PCCA: variants seen among roughly 807,000 people sequenced by gnomAD.
PCCA encodes the protein propionyl-CoA carboxylase alpha chain, mitochondrial.
A neutral mutation model predicts 101.3 loss-of-function variants in PCCA; 74 were observed. The observed-to-expected ratio is 0.73, with a 90% CI of 0.61 to 0.89. The LOEUF (loss-of-function observed/expected upper bound fraction) is 0.89, where lower values mean the gene tolerates loss of function less well. Ranked by LOEUF, PCCA falls within the 40% of genes least tolerant of loss-of-function variation. The pLI, the probability that PCCA is intolerant of heterozygous loss-of-function variation, is 0.00. For missense variants in PCCA, 891 were observed against 907.0 expected (o/e 0.98, Z 0.23); for synonymous variants, 294 against 313.6 (o/e 0.94, Z 0.66).
At chr13:100,480,657 C>T (rs1306697866) in intron 21 of PCCA, among the ~76,000 whole-genome samples, 3 of 152,176 alleles carry the variant, frequency 2.0e-5, no homozygotes, top group Admixed American at 1.3e-4. Flanking sequence ...AACCAAAAAA[C>T]GCCCTCAGCT....
chr13:100,523,613 C>T (rs1271439719), intron 22 of PCCA, among the ~76,000 whole-genome samples: 2 of 152,196 alleles, frequency 1.3e-5, no homozygotes, highest in Non-Finnish European at 2.9e-5. Flanking sequence ...TTGTTTGGGG[C>T]AAGGCCGACT....
At chr13:100,273,531 C>G (rs2063450064) in intron 12 of PCCA, among the ~76,000 whole-genome samples, 185 bp downstream of exon 12, 1 of 152,178 alleles carries the variant, frequency 6.6e-6, no homozygotes, top group African/African-American at 2.4e-5. Flanking sequence ...AGTTCAATGT[C>G]TAGACCTCTG....
At chr13:100,492,421 G>A (rs946404495) in intron 21 of PCCA, among the ~76,000 whole-genome samples, 7 of 151,946 alleles carry the variant, frequency 4.6e-5, no homozygotes, top group African/African-American at 7.3e-5. Context: ...GGCGTGAGCC[G>A]CCGAGCCCGG....
intron 1 of PCCA, among the ~76,000 whole-genome samples, chr13:100,101,155 G>A (rs1227438723): frequency 2.0e-5 from 3 of 152,134 alleles, no homozygotes; most frequent in Non-Finnish European, 4.4e-5. Context: ...GCTTTTTACA[G>A]CTTTAGGCCA....
At chr13:100,092,567 T>A (rs868236775) in intron 1 of PCCA, among the ~76,000 whole-genome samples, 15 of 152,140 alleles carry the variant, frequency 9.9e-5, no homozygotes, top group East Asian at 3.9e-4. Flanking sequence ...TTTTAATTTT[T>A]ATTTTTTGTA....
At chr13:100,177,896 TGAA>T (rs1456514524) in intron 6 of PCCA, among the ~76,000 whole-genome samples, 1 of 152,146 alleles carries the variant, frequency 6.6e-6, no homozygotes, top group Non-Finnish European at 1.5e-5. Context: ...AATTCAACTG[TGAA>T]GGAGATCTTT....
intron 6 of PCCA, among the ~76,000 whole-genome samples, chr13:100,167,874 C>T (rs1044230579): frequency 1.3e-5 from 2 of 152,178 alleles, no homozygotes; most frequent in Non-Finnish European, 2.9e-5. Context: ...TCATGCCATT[C>T]TCCTGCCTCA....
In PCCA at chr13:100,089,162, C is replaced by T. The variant is rs200714802; in HGVS notation, c.42C>T (p.Ala14=). The part of the protein sequence containing the change: ...FWVGTAPLVA[A]GRRGRWPPQQ... ...TCGGGACAGCACCGCTGGTCGCTGC[C>T]GGACGGCGTGGGCGGTGGCCGCCGC... The change falls in exon 1 of 24, where the codon GCC becomes GCT. Residue 14 remains alanine (A), a synonymous_variant. Coordinates refer to ENST00000376285, the MANE Select transcript of PCCA (RefSeq NM_000282.4). 2.6e-4 allele frequency: 398 copies of T among 1,527,254 alleles called. No individual in the cohort carries two copies. The African/African-American group carries it at 4.8e-3, about 19-fold the overall frequency. 94.6% of individuals were successfully genotyped at this position (1,527,254 alleles called of 1,614,324 possible).
intron 19 of PCCA, among the ~76,000 whole-genome samples, chr13:100,381,262 G>A (rs565341778): frequency 5.3e-5 from 8 of 152,204 alleles, no homozygotes; most frequent in Admixed American, 2.6e-4. Flanking sequence ...GGTGATGGGC[G>A]CCTGTAGTCC....
At chr13:100,143,768 G>T (rs1309740020) in intron 4 of PCCA, among the ~76,000 whole-genome samples, 1 of 151,550 alleles carries the variant, frequency 6.6e-6, no homozygotes, top group Non-Finnish European at 1.5e-5. Flanking sequence ...TGTTTGTTTG[G>T]TTTTGAGTCA....
rs772068496 is a variant in PCCA, at chr13:100,209,332, G to T, written c.469G>T (p.Ala157Ser). The change falls in exon 7 of 24, where the codon GCA (alanine) becomes TCA (serine). Residue 157 changes from alanine to serine, a missense_variant and splice_region_variant. Physicochemically the swap from Ala to Ser is moderately conservative, Grantham distance 99. Coordinates refer to ENST00000376285, the MANE Select transcript of PCCA (RefSeq NM_000282.4). ...AATTTTGACTTGTTTTTCTCCACAG[G>T]CAGCAGAAGATGTCGTTTTCATTGG... ...SENKEFARCLAAEDVVFIGPD... is the reference protein window; with the variant it reads ...SENKEFARCLSAEDVVFIGPD... 7.4e-6 allele frequency: 12 copies of T among 1,613,308 alleles called. No individual in the cohort carries two copies. The highest frequency in any genetic ancestry group is 8.5e-6 in the Non-Finnish European group (10 of 1,179,456).
intron 6 of PCCA, among the ~76,000 whole-genome samples, chr13:100,185,037 C>T (rs938313105): frequency 1.3e-5 from 2 of 152,196 alleles, no homozygotes; most frequent in South Asian, 4.1e-4. Flanking sequence ...TACAGCTTTA[C>T]AAATTATTGT....
At chr13:100,250,839 A>G (rs894366840) in intron 8 of PCCA, among the ~76,000 whole-genome samples, 3 of 152,166 alleles carry the variant, frequency 2.0e-5, no homozygotes, top group African/African-American at 7.2e-5. Context: ...CAAGTCTAGC[A>G]TAGTCCTTTC....
chr13:100,215,966 A>T (rs1356960977), intron 7 of PCCA, among the ~76,000 whole-genome samples: 1 of 152,076 alleles, frequency 6.6e-6, no homozygotes, highest in Non-Finnish European at 1.5e-5. Context: ...TCATCTCTAG[A>T]TTACTTATAA....
At chr13:100,212,244 T>G (rs1390517406) in intron 7 of PCCA, among the ~76,000 whole-genome samples, 1 of 152,306 alleles carries the variant, frequency 6.6e-6, no homozygotes, top group East Asian at 1.9e-4. Flanking sequence ...AAATAAAGGT[T>G]TATTGGAGGG....
intron 6 of PCCA, among the ~76,000 whole-genome samples, chr13:100,200,540 GA>G (rs34268384): frequency 6.0e-5 from 9 of 150,720 alleles, no homozygotes; most frequent in African/African-American, 7.3e-5. Flanking sequence ...TGCAGGCTAG[GA>G]AAAAAAATAT....
At chr13:100,203,380 T>C (rs1314442523) in intron 6 of PCCA, among the ~76,000 whole-genome samples, 2 of 152,118 alleles carry the variant, frequency 1.3e-5, no homozygotes, top group Non-Finnish European at 2.9e-5. Context: ...GGTCCCTTTT[T>C]CTTTGCCTTA....
At chr13:100,445,652 G>A (rs2080772501) in intron 20 of PCCA, among the ~76,000 whole-genome samples, 1 of 152,086 alleles carries the variant, frequency 6.6e-6, no homozygotes, top group Non-Finnish European at 1.5e-5. Context: ...TCATGTAAGT[G>A]AGGTCATATG....
At chr13:100,372,989 C>T (rs1422632172) in intron 19 of PCCA, among the ~76,000 whole-genome samples, 2 of 152,138 alleles carry the variant, frequency 1.3e-5, no homozygotes, top group Admixed American at 6.5e-5. Context: ...GGTGATCCAC[C>T]CACTTCGGCC....
Sources: gnomAD v4.1 joint callset for allele counts (sites outside exome capture counted in the v4.1 genomes callset) on GRCh38, gnomAD v4.1.1 for gene constraint, MANE v1.5 for transcripts, NCBI Gene and HGNC (gene_info 2026-07-23, HGNC 2026-07-21) for gene names.